The following CBLN4 variants were observed in gnomAD, a reference collection of about 807,000 sequenced individuals.
CBLN4 encodes the protein cerebellin-4.
CBLN4 carries 7 observed loss-of-function variants against 14.9 expected under a neutral mutation model. That is an observed-to-expected ratio of 0.47 (90% confidence interval 0.27 to 0.88). The LOEUF (loss-of-function observed/expected upper bound fraction) is 0.88, where lower values mean the gene tolerates loss of function less well. Among genes scored for constraint, CBLN4 ranks in the 40% least tolerant of loss-of-function variants. CBLN4 has a pLI of 0.14. For missense variants in CBLN4, 188 were observed against 256.8 expected (o/e 0.73, Z 1.83); for synonymous variants, 131 against 116.5 (o/e 1.12, Z -0.80).
chr20:56,003,099 A>T (rs913465565), intron 1 of CBLN4, among the ~76,000 whole-genome samples: 3 of 152,162 alleles, frequency 2.0e-5, no homozygotes, highest in Non-Finnish European at 4.4e-5. Context: ...TACTCTCATC[A>T]ACCTCAAAGT....
rs558500900 is a variant in CBLN4 at position 56,003,959 on chromosome 20, G to A, written c.213C>T (p.Val71=). 5.0e-6 allele frequency: 8 copies of A among 1,613,956 alleles called. No individual in the cohort carries two copies. In the Middle Eastern group the frequency reaches 6.6e-4, roughly 133 times the overall value. ...TGGTGCTCCGCACCGCCGAGAAGGC[G>A]ACCTTGGAGTTGGCCGCCCGGACCG... The part of the protein sequence containing the change: ...GISVRAANSK[V]AFSAVRSTNH... The change falls in exon 1 of 3, where the codon GTC becomes GTT. Residue 71 remains valine, a synonymous_variant. Coordinates refer to ENST00000064571, the MANE Select transcript of CBLN4 (RefSeq NM_080617.6).
chr20:56,003,958 C>G lies in CBLN4; in HGVS notation c.214G>C (p.Ala72Pro). The G allele has an allele frequency of 6.2e-7, 1 of 1,613,964 alleles. No individual in the cohort carries two copies. Among genetic ancestry groups the G allele is most frequent in the Non-Finnish European group, 8.5e-7 (1 of 1,179,990 alleles). ...ISVRAANSKV[A>P]FSAVRSTNHE... is the part of the protein sequence containing the mutation. ...TTGGTGCTCCGCACCGCCGAGAAGGCGACCTTGGAGTTGGCCGCCCGGACC... is the reference window on the plus strand; with the variant it reads ...TTGGTGCTCCGCACCGCCGAGAAGGGGACCTTGGAGTTGGCCGCCCGGACC... Residue 72 changes from alanine (A) to proline (P), a missense_variant, in exon 1 of 3, where the codon GCC becomes CCC. Around this residue, in one of 2 missense-constraint regions of CBLN4, gnomAD observed 95 missense variants for 99.2 expected, o/e 0.96. Transcript: ENST00000064571.
intron 1 of CBLN4, 108 bp downstream of exon 1, chr20:56,003,773 T>G: frequency 8.4e-7 from 1 of 1,186,942 alleles, no homozygotes; most frequent in Non-Finnish European, 1.2e-6. Flanking sequence ...GTGCTTTACA[T>G]GATTCCCCAT....
In CBLN4 at chr20:55,998,630, T is replaced by G. The variant is rs1986319658; in HGVS notation, c.533A>C (p.Lys178Thr). ...YLDKEDKVYLKLEKGNLVGGW... is the reference protein window; with the variant it reads ...YLDKEDKVYLTLEKGNLVGGW... Reference sequence around the variant, plus strand: ...TCCAACCAAATTACCTTTCTCCAGTTTTAGGTAAACCTTATCCTCTTTATC... The same window carrying G: ...TCCAACCAAATTACCTTTCTCCAGTGTTAGGTAAACCTTATCCTCTTTATC... Residue 178 changes from lysine (K) to threonine (T), a missense_variant, in exon 3 of 3, where the codon AAA becomes ACA. By Grantham distance (78) the Lys-to-Thr change is moderately conservative. Around this residue, in one of 2 missense-constraint regions of CBLN4, gnomAD observed 93 missense variants for 157.7 expected, o/e 0.59. Transcript: ENST00000064571. The G allele has an allele frequency of 6.2e-7, 1 of 1,614,060 alleles. No homozygotes were observed. Among genetic ancestry groups the G allele is most frequent in the Non-Finnish European group, 8.5e-7 (1 of 1,180,012 alleles).
Position 55,997,945 on chromosome 20 carries a change from A to G in CBLN4, c.*612T>C, listed in dbSNP as rs895041527. ...TACAATTAAAATACAACTATGAAGC[A>G]TTCTTTTTTTTTGAGAGAAGTCATG... On this transcript the variant is annotated 3_prime_UTR_variant, in exon 3 of 3. Coordinates refer to ENST00000064571, the MANE Select transcript of CBLN4 (RefSeq NM_080617.6). The G allele has an allele frequency of 3.9e-5, 6 of 151,922 alleles. No individual in the cohort carries two copies. Among genetic ancestry groups the G allele is most frequent in the South Asian group, 2.1e-4 (1 of 4,828 alleles). 9.4% of individuals were successfully genotyped at this position (151,922 alleles called of 1,614,324 possible).
At position 56,004,173 on chromosome 20, in the gene CBLN4, G is replaced by A; in HGVS notation, c.-2C>T. On this transcript the variant is annotated 5_prime_UTR_variant, in exon 1 of 3. Transcript: ENST00000064571. This position sits in a 1 kb window ranked among gnomAD's most constrained non-coding sequence, Gnocchi z 6.1. ...CAGCGCCCGGCGCCCGGAGCCCATG[G>A]TGAGCCGTGTGGGCAGCCGCAGCCG... is the stretch of plus-strand genomic sequence containing the variant. 1 of 1,500,660 alleles carries A rather than the reference G, an allele frequency of 6.7e-7. No homozygotes were observed. The highest frequency in any genetic ancestry group is 8.9e-7 in the Non-Finnish European group (1 of 1,129,110). The allele number at this position is 1,500,660 out of a possible 1,614,324, so 93.0% of individuals were successfully genotyped here.
intron 1 of CBLN4, among the ~76,000 whole-genome samples, chr20:56,002,990 C>G (rs1287744217): frequency 1.3e-5 from 2 of 152,224 alleles, no homozygotes; most frequent in Non-Finnish European, 2.9e-5. Flanking sequence ...CTTAAGACCC[C>G]TTGCTAAAGG....
intron 1 of CBLN4, among the ~76,000 whole-genome samples, chr20:56,002,596 C>T (rs796626878): frequency 1.9e-4 from 29 of 152,244 alleles, no homozygotes; most frequent in African/African-American, 7.0e-4. Flanking sequence ...AGTGCAATGC[C>T]CACAGTATTC....
chr20:56,004,007 G>C lies in CBLN4; in HGVS notation c.165C>G (p.Ser55=), dbSNP rs1352540114. 6.2e-7 allele frequency: 1 copy of C among 1,614,082 alleles called. No individual in the cohort carries two copies. Among genetic ancestry groups the C allele is most frequent in the Admixed American group, 1.7e-5 (1 of 60,026 alleles). Reference sequence around the variant, plus strand: ...CCGATATCCCCAGCGGGGAGGAAGAGGAGCCCTTGGAGTCCGTGGCCGGGT... The same window carrying C: ...CCGATATCCCCAGCGGGGAGGAAGACGAGCCCTTGGAGTCCGTGGCCGGGT... The part of the protein sequence containing the change: ...DSNPATDSKG[S]SSSPLGISVR... Residue 55 remains serine (S), a synonymous_variant, in exon 1 of 3, where the codon TCC becomes TCG. Coordinates refer to ENST00000064571, the MANE Select transcript of CBLN4 (RefSeq NM_080617.6). This position sits in a 1 kb window ranked among gnomAD's most constrained non-coding sequence, Gnocchi z 6.1.
Position 55,998,651 on chromosome 20 carries a change from T to C in CBLN4, c.512A>G (p.Lys171Arg). The change falls in exon 3 of 3, where the codon AAA (lysine) becomes AGA (arginine). Residue 171 changes from lysine (K) to arginine (R), a missense_variant. Physicochemically the swap from Lys to Arg is conservative, Grantham distance 26 (BLOSUM62 2). Transcript: ENST00000064571. The part of the protein sequence containing the change: ...ATNGVLLYLD[K>R]EDKVYLKLEK... ...CAGTTTTAGGTAAACCTTATCCTCT[T>C]TATCTAGGTAGAGCAGGACACCATT... The C allele has an allele frequency of 6.2e-7, 1 of 1,614,160 alleles. No individual in the cohort carries two copies.
chr20:56,004,289 G>T lies in CBLN4; in HGVS notation c.-118C>A. ...CGGCTAGGTCGACAGCGCTGCAGGA[G>T]CGACGGCGGCGGCGGCGCGCACACT... On this transcript the variant is annotated 5_prime_UTR_variant, in exon 1 of 3. Transcript: ENST00000064571. This position sits in a 1 kb window ranked among gnomAD's most constrained non-coding sequence, Gnocchi z 6.1. The T allele has an allele frequency of 9.5e-7, 1 of 1,056,458 alleles. No individual in the cohort carries two copies. Among genetic ancestry groups the T allele is most frequent in the Non-Finnish European group, 1.3e-6 (1 of 788,180 alleles). The allele number at this position is 1,056,458 out of a possible 1,614,324, so 65.4% of individuals were successfully genotyped here.
rs1986357685 is a variant in CBLN4 at position 56,000,917 on chromosome 20, C to T, written c.292-70G>A. 7.5e-6 allele frequency: 5 copies of T among 667,552 alleles called. No individual in the cohort carries two copies. In the South Asian group the frequency reaches 1.6e-4, roughly 21 times the overall value. The allele number at this position is 667,552 out of a possible 1,614,324, so 41.4% of individuals were successfully genotyped here. On this transcript the variant is annotated intron_variant, in intron 1 of 2. Coordinates refer to ENST00000064571, the MANE Select transcript of CBLN4 (RefSeq NM_080617.6). ...TCTGTAACTAAAATGAATTTTCTTC[C>T]TCTCACTCTCTTCCTCTCCTCTTCC...
chr20:56,004,451 C>T lies in CBLN4; in HGVS notation c.-280G>A, dbSNP rs182529702. On this transcript the variant is annotated 5_prime_UTR_variant, in exon 1 of 3. Transcript: ENST00000064571. The surrounding 1 kb of genome is among the most constrained non-coding windows in gnomAD (Gnocchi z 6.1). ...GCCCAAGAATCAGCCCTGCCTGGGG[C>T]CCCTGCACCCACTCTGGTTCCTAGA... 200 of 383,764 alleles carry T rather than the reference C, an allele frequency of 5.2e-4. 2 individuals carry two copies. In the East Asian group the frequency reaches 7.0e-3, roughly 13 times the overall value. The allele number at this position is 383,764 out of a possible 1,614,324, so 23.8% of individuals were successfully genotyped here.
chr20:56,005,350 G>T lies in CBLN4; in HGVS notation c.-1179C>A, dbSNP rs1986451744. ...CTCTGCCGCCGAGTGCCCTCCAAGCGGAGCGCGGCGCTGCCAGGCCGGGTC... is the reference window on the plus strand; with the variant it reads ...CTCTGCCGCCGAGTGCCCTCCAAGCTGAGCGCGGCGCTGCCAGGCCGGGTC... On this transcript the variant is annotated 5_prime_UTR_variant, in exon 1 of 3. Coordinates refer to ENST00000064571, the MANE Select transcript of CBLN4 (RefSeq NM_080617.6). 1 of 152,306 alleles carries T rather than the reference G, an allele frequency of 6.6e-6. No individual in the cohort carries two copies. Among genetic ancestry groups the T allele is most frequent in the African/African-American group, 2.4e-5 (1 of 41,464 alleles). 9.4% of individuals were successfully genotyped at this position (152,306 alleles called of 1,614,324 possible).
chr20:56,004,394 C>T lies in CBLN4; in HGVS notation c.-223G>A. 1 of 490,998 alleles carries T rather than the reference C, an allele frequency of 2.0e-6. No individual in the cohort carries two copies. The highest frequency in any genetic ancestry group is 3.8e-5 in the South Asian group (1 of 26,450). 30.4% of individuals were successfully genotyped at this position (490,998 alleles called of 1,614,324 possible). A position where few individuals can be genotyped will look rare whatever the true frequency, so the allele number is the denominator to read the frequency against. On this transcript the variant is annotated 5_prime_UTR_variant, in exon 1 of 3. Coordinates refer to ENST00000064571, the MANE Select transcript of CBLN4 (RefSeq NM_080617.6). This position sits in a 1 kb window ranked among gnomAD's most constrained non-coding sequence, Gnocchi z 6.1. Reference sequence around the variant, plus strand: ...TCTGTTACCTTTGTCCTTTAAGGAGCTCATGCAGCACCCTTTACCCTACTC... The same window carrying T: ...TCTGTTACCTTTGTCCTTTAAGGAGTTCATGCAGCACCCTTTACCCTACTC...
intron 1 of CBLN4, among the ~76,000 whole-genome samples, chr20:56,001,111 G>A (rs901927984): frequency 6.6e-6 from 1 of 152,102 alleles, no homozygotes; most frequent in Non-Finnish European, 1.5e-5. Flanking sequence ...ATACTGGAAG[G>A]TTCTTCTGTC....
intron 2 of CBLN4, among the ~76,000 whole-genome samples, chr20:56,000,185 A>C (rs1986345553): frequency 6.6e-6 from 1 of 152,250 alleles, no homozygotes; most frequent in Admixed American, 6.5e-5. Flanking sequence ...GCAGTTGGTA[A>C]GAATTCACTA....
intron 2 of CBLN4, among the ~76,000 whole-genome samples, chr20:56,000,408 C>A (rs1600861034): frequency 6.6e-6 from 1 of 152,156 alleles, no homozygotes; most frequent in East Asian, 1.9e-4. Context: ...TCAAGTAATT[C>A]TTGTACATGC....
chr20:56,003,842 C>G (rs1568834299), intron 1 of CBLN4, 39 bp downstream of exon 1: 2 of 1,553,792 alleles, frequency 1.3e-6, no homozygotes, highest in African/African-American at 2.7e-5. Context: ...GCCTGGAGAC[C>G]GCCCACCCCC....
Sources: gnomAD v4.1 joint callset for allele counts (sites outside exome capture counted in the v4.1 genomes callset) on GRCh38, gnomAD v4.1.1 for gene constraint, gnomAD v4.1.1 regional missense constraint, Gnocchi (gnomAD v3.1) non-coding constraint, MANE v1.5 for transcripts, NCBI Gene and HGNC (gene_info 2026-07-23, HGNC 2026-07-21) for gene names.